Variants in SNX13 observed in about 807,000 individuals in gnomAD.
SNX13 encodes sorting nexin 13.
Under a neutral mutation model 133.6 loss-of-function variants are expected in SNX13, and 45 were observed. That is an observed-to-expected ratio of 0.34 (90% CI 0.27 to 0.43). The LOEUF is 0.43. Among genes scored for constraint, SNX13 ranks in the 20% least tolerant of loss-of-function variants. The pLI is 1.00. For missense variants in SNX13, 1,032 were observed against 1,145.1 expected, an observed-to-expected ratio of 0.90 and a Z score of 1.43; for synonymous variants, 414 against 373.9, an observed-to-expected ratio of 1.11 and a Z score of -1.24.
intron 15 of SNX13, 103 bp downstream of exon 15, chr7:17,833,949 T>C: frequency 1.2e-6 from 1 of 822,010 alleles, no homozygotes; most frequent in African/African-American, 1.7e-5. Context: ...ACAGTTTATA[T>C]TTGGACTCCA....
chr7:17,891,255 A>C (rs562103576), intron 4 of SNX13, among the ~76,000 whole-genome samples: 1 of 152,166 alleles, frequency 6.6e-6, no homozygotes, highest in Non-Finnish European at 1.5e-5. Flanking sequence ...AAGCTTGTTC[A>C]TCAACGAAAG....
At chr7:17,936,379 A>G (rs928871585) in intron 1 of SNX13, among the ~76,000 whole-genome samples, 6 of 152,218 alleles carry the variant, frequency 3.9e-5, no homozygotes, top group Non-Finnish European at 7.4e-5. Context: ...AAAAGCAACA[A>G]ATCTGGATGG....
chr7:17,921,463 C>A (rs370629240), intron 1 of SNX13, among the ~76,000 whole-genome samples: 1 of 152,118 alleles, frequency 6.6e-6, no homozygotes, highest in South Asian at 2.1e-4. Context: ...TCCATATCCC[C>A]GACAACTTCA....
At chr7:17,832,608 A>G in intron 15 of SNX13, 1 of 415,062 alleles carries the variant, frequency 2.4e-6, no homozygotes, top group Non-Finnish European at 3.2e-6. Flanking sequence ...CATCTCTATA[A>G]AAGAACATTT....
intron 1 of SNX13, chr7:17,898,277 T>C (rs1424168643): frequency 6.6e-6 from 1 of 152,132 alleles, no homozygotes; most frequent in Non-Finnish European, 1.5e-5. Context: ...ACTCATGCCG[T>C]CAAGGAGCAT....
intron 2 of SNX13, among the ~76,000 whole-genome samples, chr7:17,896,975 G>A (rs1050636865): frequency 6.6e-6 from 1 of 152,084 alleles, no homozygotes; most frequent in Non-Finnish European, 1.5e-5. Context: ...AAAACTTCAT[G>A]TGCAGTCTCA....
At chr7:17,851,030 T>C in intron 9 of SNX13, 66 bp from the exon 10 acceptor site, 3 of 1,495,654 alleles carry the variant, frequency 2.0e-6, no homozygotes, top group Non-Finnish European at 1.8e-6. Flanking sequence ...AACTGAATCT[T>C]GAGTGCCTAC....
intron 12 of SNX13, among the ~76,000 whole-genome samples, chr7:17,842,350 T>C (rs1379733027): frequency 1.3e-5 from 2 of 152,046 alleles, no homozygotes; most frequent in Non-Finnish European, 2.9e-5. Flanking sequence ...ACCAAGTTCC[T>C]ATATCTGGCA....
At chr7:17,799,452 T>C (rs1031918059) in intron 22 of SNX13, among the ~76,000 whole-genome samples, 1 of 151,802 alleles carries the variant, frequency 6.6e-6, no homozygotes, top group African/African-American at 2.4e-5. Context: ...TTCTTACTAT[T>C]GGAAGAGACT....
intron 20 of SNX13, among the ~76,000 whole-genome samples, chr7:17,805,248 T>TGCGCGCGCGC (rs1401213640): frequency 5.6e-5 from 5 of 89,322 alleles, no homozygotes; most frequent in Non-Finnish European, 1.3e-4. Flanking sequence ...TGTGTGTGTG[T>TGCGCGCGCGC]GTGCGTGCGC....
At chr7:17,853,814 C>A (rs1160295329) in intron 9 of SNX13, among the ~76,000 whole-genome samples, 1 of 152,078 alleles carries the variant, frequency 6.6e-6, no homozygotes, top group African/African-American at 2.4e-5. Context: ...TGCTGGTGGG[C>A]ACCTGTAATC....
intron 15 of SNX13, chr7:17,830,817 T>G (rs758685483): frequency 1.2e-4 from 122 of 983,996 alleles, no homozygotes; most frequent in Non-Finnish European, 1.4e-4. Context: ...CAGTTTAATA[T>G]ATGGTTTCGA....
chr7:17,849,625 C>T (rs905582740), intron 11 of SNX13, among the ~76,000 whole-genome samples: 4 of 151,998 alleles, frequency 2.6e-5, no homozygotes, highest in Admixed American at 2.6e-4. Context: ...AAGATCTAAC[C>T]CCCCGGTTCT....
chr7:17,917,459 A>C (rs1202908986), intron 1 of SNX13, among the ~76,000 whole-genome samples: 2 of 152,210 alleles, frequency 1.3e-5, no homozygotes, highest in Non-Finnish European at 2.9e-5. Flanking sequence ...AACTTCAGTA[A>C]AGTTTCAGGA....
At chr7:17,894,487 GA>G (rs200594532) in intron 2 of SNX13, among the ~76,000 whole-genome samples, 25 of 150,090 alleles carry the variant, frequency 1.7e-4, no homozygotes, top group East Asian at 1.2e-3. Flanking sequence ...GCTATTTAGG[GA>G]AAAAAAAATC....
rs1261593485 is a variant in SNX13 at position 17,803,689 on chromosome 7, T to C, written c.2065-109A>G. On this transcript the variant is annotated intron_variant, in intron 20 of 25. Coordinates refer to ENST00000428135, the MANE Select transcript of SNX13 (RefSeq NM_015132.5). ...CAACACTGGAAAGATGCAGTAATTTTCTGGTCTATATTATGTCGTTACATT... is the reference window on the plus strand; with the variant it reads ...CAACACTGGAAAGATGCAGTAATTTCCTGGTCTATATTATGTCGTTACATT... The C allele has an allele frequency of 6.2e-6, 6 of 963,012 alleles. No homozygotes were observed. The African/African-American group carries it at 1.0e-4, about 16-fold the overall frequency. 59.7% of individuals were successfully genotyped at this position (963,012 alleles called of 1,614,324 possible).
At chr7:17,805,258 C>CGCGCGT (rs1785143997) in intron 20 of SNX13, among the ~76,000 whole-genome samples, 1 of 80,502 alleles carries the variant, frequency 1.2e-5, no homozygotes, top group African/African-American at 5.5e-5. Context: ...TGTGCGTGCG[C>CGCGCGT]GCGCGCGCAT....
intron 9 of SNX13, among the ~76,000 whole-genome samples, chr7:17,851,702 A>T (rs1232347696): frequency 3.6e-5 from 4 of 111,336 alleles, no homozygotes; most frequent in South Asian, 3.3e-4. Flanking sequence ...AAATTAAGAG[A>T]TGCAGCATTT....
At chr7:17,862,033 C>A (rs1243006399) in intron 9 of SNX13, among the ~76,000 whole-genome samples, 2 of 152,188 alleles carry the variant, frequency 1.3e-5, no homozygotes, top group African/African-American at 2.4e-5. Flanking sequence ...CTGCCCCCAA[C>A]AGTTTGAAAT....
Sources: gnomAD v4.1 joint callset for allele counts (sites outside exome capture counted in the v4.1 genomes callset) on GRCh38, gnomAD v4.1.1 for gene constraint, MANE v1.5 for transcripts, NCBI Gene and HGNC (gene_info 2026-07-23, HGNC 2026-07-21) for gene names.